ZC3H4: variants seen among roughly 807,000 people sequenced by gnomAD.
ZC3H4 encodes the protein zinc finger CCCH-type containing 4.
In ZC3H4, 13 loss-of-function variants were observed where a neutral mutation model predicts 108.3. The ratio of observed to expected loss-of-function variants is 0.12; its 90% CI spans 0.08 to 0.19. ZC3H4 has a LOEUF of 0.19. Ranked by LOEUF, ZC3H4 falls within the 10% of genes least tolerant of loss-of-function variation. The probability of loss-of-function intolerance (pLI) is 1.00; values close to 1 mark genes in which losing one functional copy is unlikely to be tolerated. For missense variants in ZC3H4, 1,734 were observed against 1,838.8 expected (o/e 0.94, Z 1.04); for synonymous variants, 917 against 749.6 (o/e 1.22, Z -3.65).
intron 6 of ZC3H4, 139 bp downstream of exon 6, chr19:47,086,245 C>A: frequency 1.1e-6 from 1 of 945,068 alleles, no homozygotes; most frequent in South Asian, 1.5e-5. Context: ...ACACATACAT[C>A]TGCGCTCTGA....
In ZC3H4 at chr19:47,094,531, T is replaced by C. The variant is rs750158783; in HGVS notation, c.239A>G (p.Glu80Gly). The C allele has an allele frequency of 2.5e-6, 4 of 1,614,224 alleles. No individual in the cohort carries two copies. The South Asian group carries it at 4.4e-5, about 18-fold the overall frequency. The change falls in exon 3 of 15, where the codon GAG (glutamate) becomes GGG (glycine). Residue 80 changes from glutamate to glycine, a missense_variant. By Grantham distance (98) the Glu-to-Gly change is moderately conservative. Around this residue, in one of 9 missense-constraint regions of ZC3H4, gnomAD observed 403 missense variants for 457.0 expected, o/e 0.88. Coordinates refer to ENST00000253048, the MANE Select transcript of ZC3H4 (RefSeq NM_015168.2). ...CTCCCCCTTTTCTTTCCGGCTTCTC[T>C]CAGGCCCTCCGGAGGTATCCTGGGT... is the stretch of plus-strand genomic sequence containing the variant. Reference protein sequence around the residue: ...EETQDTSGGPERSRKEKGEKH... With the variant: ...EETQDTSGGPGRSRKEKGEKH...
intron 4 of ZC3H4, 147 bp from the exon 5 acceptor site, chr19:47,090,336 T>G (rs1011362947): frequency 1.2e-6 from 1 of 823,336 alleles, no homozygotes. Context: ...CCAGCCCCTC[T>G]GGGGACTGGT....
Position 47,072,447 on chromosome 19 carries a change from C to G in ZC3H4, c.1707G>C (p.Gln569His), listed in dbSNP as rs368259473. ...MPVHEPLSPQ[Q>H]LQQQDMYNKK... ...TGTTGTACATGTCCTGCTGCTGCAG[C>G]TGCTGCGGGGACAGTGGCTCATGCA... The change falls in exon 12 of 15, where the codon CAG (glutamine) becomes CAC (histidine). Residue 569 changes from glutamine (Q) to histidine (H), a missense_variant. By Grantham distance (24) the Gln-to-His change is conservative (BLOSUM62 0). Coordinates refer to ENST00000253048, the MANE Select transcript of ZC3H4 (RefSeq NM_015168.2). The surrounding 1 kb of genome is among the most constrained non-coding windows in gnomAD (Gnocchi z 5.6). The G allele has an allele frequency of 4.3e-5, 68 of 1,578,104 alleles. 1 individual carries two copies. Among genetic ancestry groups the G allele is most frequent in the Non-Finnish European group, 5.3e-5 (62 of 1,159,106 alleles).
At chr19:47,075,118 A>ACC (rs950919012) in intron 11 of ZC3H4, among the ~76,000 whole-genome samples, 1 of 151,862 alleles carries the variant, frequency 6.6e-6, no homozygotes, top group African/African-American at 2.4e-5. Flanking sequence ...TGGTATCTGG[A>ACC]CCCTGGAACC....
intron 9 of ZC3H4, among the ~76,000 whole-genome samples, chr19:47,083,084 G>A (rs938290385): frequency 4.0e-5 from 6 of 151,664 alleles, no homozygotes; most frequent in Non-Finnish European, 5.9e-5. Context: ...TGGCTCTGTC[G>A]CCCAGGCTGG....
At chr19:47,069,369 C>T (rs1247390653) in intron 13 of ZC3H4, 26 bp from the exon 14 acceptor site, 6 of 1,604,128 alleles carry the variant, frequency 3.7e-6, no homozygotes, top group Non-Finnish European at 4.3e-6. Flanking sequence ...ACCGAGGGTT[C>T]ATGTCGGGAA....
In ZC3H4 at chr19:47,072,811, A is replaced by C. The variant is rs1012123357; in HGVS notation, c.1441-98T>G. 9.9e-6 allele frequency: 14 copies of C among 1,412,820 alleles called. No homozygotes were observed. Among genetic ancestry groups the C allele is most frequent in the Non-Finnish European group, 1.2e-5 (12 of 1,039,660 alleles). 87.5% of individuals were successfully genotyped at this position (1,412,820 alleles called of 1,614,324 possible). A position where few individuals can be genotyped will look rare whatever the true frequency, so the allele number is the denominator to read the frequency against. On this transcript the variant is annotated intron_variant, in intron 11 of 14. Transcript: ENST00000253048. The surrounding 1 kb of genome is among the most constrained non-coding windows in gnomAD (Gnocchi z 5.6). ...CTGAAGTTTATGAGGAAAAGTCCAT[A>C]ATACAAGGACCTTGAGATCTAAAGG...
At position 47,067,749 on chromosome 19, in the gene ZC3H4, C is replaced by T. The variant is rs772682245; in HGVS notation, c.2519G>A (p.Ser840Asn). ...SRPPASVGEL[S>N]SSGLGDPRLQ... ...GCGGGGGTCCCCCAGCCCACTGCTG[C>T]TCAGCTCCCCAACTGAAGCCGGGGG... Residue 840 changes from serine to asparagine, a missense_variant, in exon 15 of 15, where the codon AGC (serine) becomes AAC (asparagine). Physicochemically the swap from Ser to Asn is conservative, Grantham distance 46. Around this residue, in one of 9 missense-constraint regions of ZC3H4, gnomAD observed 540 missense variants for 484.1 expected, o/e 1.12. Coordinates refer to ENST00000253048, the MANE Select transcript of ZC3H4 (RefSeq NM_015168.2). This position sits in a 1 kb window ranked among gnomAD's most constrained non-coding sequence, Gnocchi z 6.4. The T allele has an allele frequency of 3.5e-5, 56 of 1,608,908 alleles. No homozygotes were observed. The Middle Eastern group carries it at 2.1e-3, about 62-fold the overall frequency.
chr19:47,065,625 ACCTTTGGGT>A lies in ZC3H4; in HGVS notation c.*722_*730del, dbSNP rs2122621853. ...ACTCTGCCCCACACCGGCCCCCACT[ACCTTTGGGT>A]CCAGTTCTCACTGTGGAGGCTTCTG... On this transcript the variant is annotated 3_prime_UTR_variant, in exon 15 of 15. Transcript: ENST00000253048. 1 of 152,744 alleles carries A rather than the reference ACCTTTGGGT, an allele frequency of 6.5e-6. No homozygotes were observed. The highest frequency in any genetic ancestry group is 2.4e-5 in the African/African-American group (1 of 41,448). The allele number at this position is 152,744 out of a possible 1,614,324, so 9.5% of individuals were successfully genotyped here. A position where few individuals can be genotyped will look rare whatever the true frequency, so the allele number is the denominator to read the frequency against.
rs1371037179 is a variant in ZC3H4, at chr19:47,066,236, AAAAG to A, written c.*116_*119del. The A allele has an allele frequency of 1.3e-4, 97 of 737,142 alleles. No individual in the cohort carries two copies. In the South Asian group the frequency reaches 1.5e-3, roughly 11 times the overall value. 45.7% of individuals were successfully genotyped at this position (737,142 alleles called of 1,614,324 possible). On this transcript the variant is annotated 3_prime_UTR_variant, in exon 15 of 15. Transcript: ENST00000253048. ...AATAAAAGAGACGGAAAGCAAAAGAAAAAGAAAAGAAAAAAGGAACACCCAGCCT... is the reference window on the plus strand; with the variant it reads ...AATAAAAGAGACGGAAAGCAAAAGAAAAAAGAAAAAAGGAACACCCAGCCT...
In ZC3H4 at chr19:47,082,260, G is replaced by C. The variant is rs7250850; in HGVS notation, c.1254C>G (p.Leu418=). 1,041,718 of 1,613,246 alleles carry C rather than the reference G, an allele frequency of 0.65. 353,255 individuals are homozygous for C. The highest frequency in any genetic ancestry group is 0.71 in the Non-Finnish European group (839,528 of 1,179,440). The change falls in exon 10 of 15, where the codon CTC becomes CTG. Residue 418 remains leucine (L), a synonymous_variant. Transcript: ENST00000253048. ...ACTTGCACAGTTCTCGCTTCTTTGG[G>C]AGTTCGATGTCATGGCTAAAATTAC... ...DHCNFSHDIE[L]PKKRELCKFY...
At chr19:47,090,814 A>G (rs1319376002) in intron 4 of ZC3H4, among the ~76,000 whole-genome samples, 5 of 152,246 alleles carry the variant, frequency 3.3e-5, no homozygotes, top group Non-Finnish European at 5.9e-5. Flanking sequence ...AGTAATAACA[A>G]TGTATCAATA....
chr19:47,092,587 C>A (rs886982185), intron 4 of ZC3H4, among the ~76,000 whole-genome samples: 3 of 151,998 alleles, frequency 2.0e-5, no homozygotes, highest in Non-Finnish European at 2.9e-5. Context: ...GAGGCCAAGG[C>A]GGGCGGGTCA....
At position 47,112,482 on chromosome 19, in the gene ZC3H4, C is replaced by T. The variant is rs1245212087; in HGVS notation, c.103G>A (p.Asp35Asn). The change falls in exon 2 of 15, where the codon GAC becomes AAC. Residue 35 changes from aspartate (D) to asparagine (N), a missense_variant. Asp to Asn is a conservative substitution (Grantham distance 23). Coordinates refer to ENST00000253048, the MANE Select transcript of ZC3H4 (RefSeq NM_015168.2). Reference sequence around the variant, plus strand: ...AGGTGCGGGGTGGCCGGGCGGGCGTCGGGGGAACACGGAGGAGGCGAAGGC... The same window carrying T: ...AGGTGCGGGGTGGCCGGGCGGGCGTTGGGGGAACACGGAGGAGGCGAAGGC... ...STPSPPPCSP[D>N]ARPATPHLLH... The T allele has an allele frequency of 3.4e-6, 4 of 1,165,986 alleles. No individual in the cohort carries two copies. Among genetic ancestry groups the T allele is most frequent in the Non-Finnish European group, 2.2e-6 (2 of 920,678 alleles). The allele number at this position is 1,165,986 out of a possible 1,614,324, so 72.2% of individuals were successfully genotyped here.
chr19:47,098,000 C>T (rs555258701), intron 2 of ZC3H4, among the ~76,000 whole-genome samples: 4 of 152,338 alleles, frequency 2.6e-5, no homozygotes, highest in East Asian at 1.9e-4. Flanking sequence ...AAGAGGCCAA[C>T]GCCTTGCCTT....
intron 5 of ZC3H4, 68 bp downstream of exon 5, chr19:47,089,899 C>A: frequency 1.9e-6 from 3 of 1,556,450 alleles, no homozygotes; most frequent in Non-Finnish European, 2.6e-6. Context: ...TTCTGTGAGA[C>A]CAGGCCACCG....
Position 47,111,228 on chromosome 19 carries a change from A to T in ZC3H4, c.161+1196T>A, listed in dbSNP as rs76134787. Among the ~76,000 whole-genome samples the T allele has an allele frequency of 3.3e-3, 503 of 152,268 alleles. 2 individuals carry two copies. The highest frequency in any genetic ancestry group is 6.8e-3 in the Middle Eastern group (2 of 294). ...CCGCCTCTTCTCTCGCCCCACCAGG[A>T]AACAGTGGGCGAACCCTGCACCCCA... On this transcript the variant is annotated intron_variant, in intron 2 of 14. Coordinates refer to ENST00000253048, the MANE Select transcript of ZC3H4 (RefSeq NM_015168.2).
At chr19:47,086,254 G>T in intron 6 of ZC3H4, 130 bp downstream of exon 6, 1 of 1,049,746 alleles carries the variant, frequency 9.5e-7, no homozygotes, top group African/African-American at 1.6e-5. Context: ...TCTGCGCTCT[G>T]AGGCTTCCCT....
intron 1 of ZC3H4, among the ~76,000 whole-genome samples, chr19:47,113,000 AG>A: frequency 6.6e-6 from 1 of 152,276 alleles, no homozygotes; most frequent in East Asian, 1.9e-4. Context: ...AAAGAAAAAA[AG>A]GATTTGAGGG....
Sources: allele counts gnomAD v4.1 joint callset (sites outside exome capture counted in the v4.1 genomes callset), GRCh38; gene constraint gnomAD v4.1.1; regional missense constraint gnomAD v4.1.1; non-coding constraint Gnocchi (gnomAD v3.1); transcripts MANE v1.5; gene names NCBI Gene and HGNC (gene_info 2026-07-23, HGNC 2026-07-21).